The following NIPSNAP3B variants were observed in gnomAD, a reference collection of about 807,000 sequenced individuals.
The protein encoded by NIPSNAP3B is nipsnap homolog 3B.
NIPSNAP3B carries 30 observed loss-of-function variants against 31.5 expected under a neutral mutation model. That is an observed-to-expected ratio of 0.95 (90% CI 0.71 to 1.29). NIPSNAP3B has a LOEUF of 1.29. NIPSNAP3B is among the 50% of genes most tolerant of loss of function. NIPSNAP3B has a pLI of 0.00. For missense variants in NIPSNAP3B, 269 were observed against 300.7 expected, an observed-to-expected ratio of 0.89 and a Z score of 0.78; for synonymous variants, 106 against 107.9, an observed-to-expected ratio of 0.98 and a Z score of 0.11.
the NIPSNAP3B span, chr9:104,784,265 GAA>G: frequency 1.2e-6 from 2 of 1,611,852 alleles, no homozygotes; most frequent in Middle Eastern, 1.7e-4. Context: ...TGGTGCAAAG[GAA>G]AGTCTAGTTC....
chr9:104,779,360 T>C (rs1002185163), downstream of NIPSNAP3B, among the ~76,000 whole-genome samples: 62 of 152,200 alleles, frequency 4.1e-4, no homozygotes, highest in African/African-American at 1.5e-3. Context: ...TGGCATACAG[T>C]AAAGTTCAAT....
rs1828291888 is a variant in NIPSNAP3B at position 104,774,474 on chromosome 9, C to CAAT, written c.*1404_*1406dup. Among the ~76,000 whole-genome samples the CAAT allele has an allele frequency of 6.6e-6, 1 of 152,088 alleles. No individual in the cohort carries two copies. Among genetic ancestry groups the CAAT allele is most frequent in the African/African-American group, 2.4e-5 (1 of 41,408 alleles). ...ATGTGGTTAACTACACATAAATTACCAATAAAATTAAAAGTTAACTAAAAT... is the reference window on the plus strand; with the variant it reads ...ATGTGGTTAACTACACATAAATTACCAATAATAAAATTAAAAGTTAACTAAAAT... On this transcript the variant is annotated 3_prime_UTR_variant, in exon 6 of 6. Coordinates refer to ENST00000374762, the MANE Select transcript of NIPSNAP3B (RefSeq NM_018376.4).
chr9:104,764,312 G>C lies in NIPSNAP3B; in HGVS notation c.60+12G>C, dbSNP rs1357361720. On this transcript the variant is annotated intron_variant, in intron 1 of 5. Coordinates refer to ENST00000374762, the MANE Select transcript of NIPSNAP3B (RefSeq NM_018376.4). ...CGCTCGCGCCTCAGGTACTGGCCGC[G>C]GGGGCGCGCCCGAGCCCTGGCCGGA... 5.1e-6 allele frequency: 8 copies of C among 1,572,676 alleles called. No individual in the cohort carries two copies. In the Admixed American group the frequency reaches 5.6e-5, roughly 11 times the overall value.
chr9:104,782,250 A>T (rs1430036112), downstream of NIPSNAP3B: 3 of 152,152 alleles, frequency 2.0e-5, no homozygotes, highest in Admixed American at 6.5e-5. Context: ...TAGTTATTGG[A>T]AATATGCCTT....
At chr9:104,789,548 A>G in the NIPSNAP3B span, among the ~76,000 whole-genome samples, 2 of 152,192 alleles carry the variant, frequency 1.3e-5, no homozygotes, top group Admixed American at 1.3e-4. Context: ...GTCATTGTTC[A>G]TTAGTGGTTT....
At chr9:104,782,102 A>G (rs115059464), downstream of NIPSNAP3B, 311 of 152,278 alleles carry the variant, frequency 2.0e-3, 2 homozygotes, top group African/African-American at 7.3e-3. Context: ...TAGATTTACT[A>G]TAATGAAGAA....
Sources: allele counts gnomAD v4.1 joint callset (sites outside exome capture counted in the v4.1 genomes callset), GRCh38; gene constraint gnomAD v4.1.1; transcripts MANE v1.5; gene names NCBI Gene and HGNC (gene_info 2026-07-23, HGNC 2026-07-21).